MMD2: variants seen among roughly 807,000 people sequenced by gnomAD.
The protein encoded by MMD2 is monocyte to macrophage differentiation factor 2.
MMD2 carries 30 observed loss-of-function variants against 33.5 expected under a neutral mutation model. The ratio of observed to expected loss-of-function variants is 0.90; its 90% CI spans 0.67 to 1.22. MMD2 has a LOEUF of 1.22. Ranked by LOEUF, MMD2 falls within the 50% of genes most tolerant of loss-of-function variation. The pLI, the probability that MMD2 is intolerant of heterozygous loss-of-function variation, is 0.00. For synonymous variants in MMD2, 129 were observed against 123.0 expected (o/e 1.05, Z -0.32); for missense variants, 364 against 325.4 (o/e 1.12, Z -0.91).
At chr7:4,945,222 T>TTCTTCTTCTTCTTCTTCA in intron 1 of MMD2, among the ~76,000 whole-genome samples, 1 of 146,462 alleles carries the variant, frequency 6.8e-6, no homozygotes, top group East Asian at 2.0e-4. Flanking sequence ...CTTCTTCTTC[T>TTCTTCTTCTTCTTCTTCA]TCTTCTTCTT....
At chr7:4,892,481 G>A in the MMD2 span, among the ~76,000 whole-genome samples, 5 of 151,460 alleles carry the variant, frequency 3.3e-5, no homozygotes, top group South Asian at 2.1e-4. Context: ...CCAGCTACTC[G>A]GGAGGCTGAG....
chr7:4,945,985 G>A (rs1318444442), intron 1 of MMD2, among the ~76,000 whole-genome samples: 1 of 152,202 alleles, frequency 6.6e-6, no homozygotes, highest in Non-Finnish European at 1.5e-5. Flanking sequence ...CCAGAATTCA[G>A]CATTCATTCC....
chr7:4,920,114 T>A, intron 3 of MMD2, 57 bp downstream of exon 3: 1 of 1,527,632 alleles, frequency 6.5e-7, no homozygotes, highest in Non-Finnish European at 8.8e-7. Flanking sequence ...CGGGCTGCCA[T>A]GGGTCCCCCT....
chr7:4,893,094 T>G, the MMD2 span, among the ~76,000 whole-genome samples: 4 of 152,110 alleles, frequency 2.6e-5, no homozygotes, highest in Non-Finnish European at 4.4e-5. Flanking sequence ...GAGGAGTGGA[T>G]GTACCTCTAT....
At chr7:4,953,489 A>G (rs981642275) in intron 1 of MMD2, among the ~76,000 whole-genome samples, 36 of 145,572 alleles carry the variant, frequency 2.5e-4, no homozygotes, top group Non-Finnish European at 4.1e-4. Context: ...TTTTTTTTTT[A>G]AGATGGAGTC....
chr7:4,950,499 T>A (rs532723454), intron 1 of MMD2, among the ~76,000 whole-genome samples: 76 of 152,220 alleles, frequency 5.0e-4, no homozygotes, highest in Middle Eastern at 3.4e-3. Flanking sequence ...TAATTCTTCA[T>A]TCCCTACCCA....
In MMD2 at chr7:4,944,395, G is replaced by A. The variant is rs779308723; in HGVS notation, c.47+14576C>T. Among the ~76,000 whole-genome samples the A allele has an allele frequency of 1.1e-3, 163 of 152,270 alleles. 2 individuals are homozygous for A. Among genetic ancestry groups the A allele is most frequent in the Non-Finnish European group, 1.2e-3 (80 of 68,014 alleles). ...GTGGGTCTAGTTCCAGAGATGAGGG[G>A]AGCCAGGGGTGAGCCCACCCTCCTG... On this transcript the variant is annotated intron_variant, in intron 1 of 6. Transcript: ENST00000401401.
intron 3 of MMD2, among the ~76,000 whole-genome samples, chr7:4,916,855 G>T (rs1280440492): frequency 6.6e-6 from 1 of 152,072 alleles, no homozygotes; most frequent in African/African-American, 2.4e-5. Context: ...AGAATTGCTT[G>T]AGCTCAGGAG....
At chr7:4,913,886 C>A (rs1034803727) in intron 4 of MMD2, among the ~76,000 whole-genome samples, 7 of 152,064 alleles carry the variant, frequency 4.6e-5, no homozygotes, top group African/African-American at 1.7e-4. Flanking sequence ...TGGTCTCGAT[C>A]TCCTGACCTC....
intron 1 of MMD2, among the ~76,000 whole-genome samples, chr7:4,952,714 CAG>C (rs36106375): frequency 0.043 from 5,607 of 130,144 alleles, 186 homozygotes; most frequent in East Asian, 0.12. Flanking sequence ...TTTTTTGAGA[CAG>C]AGTCTTGCTC....
intron 1 of MMD2, among the ~76,000 whole-genome samples, chr7:4,941,212 C>T (rs552276963): frequency 7.7e-4 from 117 of 152,340 alleles, no homozygotes; most frequent in African/African-American, 2.5e-3. Flanking sequence ...TAGGGGCTCT[C>T]ACCCACCAAT....
At chr7:4,939,742 C>CTT (rs71032999) in intron 1 of MMD2, among the ~76,000 whole-genome samples, 15 of 141,888 alleles carry the variant, frequency 1.1e-4, no homozygotes, top group African/African-American at 3.7e-4. Flanking sequence ...TTCTTTCTTT[C>CTT]TTTTTTTTTT....
Position 4,920,080 on chromosome 7 carries a change from G to C in MMD2, c.290+91C>G, listed in dbSNP as rs181739784. The C allele has an allele frequency of 5.4e-4, 744 of 1,390,180 alleles. 5 individuals carry two copies. In the African/African-American group the frequency reaches 9.9e-3, roughly 18 times the overall value. The allele number at this position is 1,390,180 out of a possible 1,614,324, so 86.1% of individuals were successfully genotyped here. A position where few individuals can be genotyped will look rare whatever the true frequency, so the allele number is the denominator to read the frequency against. ...GCTCAGTGGAGAATGTCACCAGGCA[G>C]ACCGGATATCCTGGTTCACCCCCCG... On this transcript the variant is annotated intron_variant, in intron 3 of 6. Transcript: ENST00000401401.
In MMD2 at chr7:4,946,661, G is replaced by C. The variant is rs372900332; in HGVS notation, c.47+12310C>G. On this transcript the variant is annotated intron_variant, in intron 1 of 6. Transcript: ENST00000401401. The surrounding 1 kb of genome is among the most constrained non-coding windows in gnomAD (Gnocchi z 5.0). ...CCCTCATGGATCAACCTAGCACCACGGGTGGCAGGTCTACCAGATATCTCC... is the reference window on the plus strand; with the variant it reads ...CCCTCATGGATCAACCTAGCACCACCGGTGGCAGGTCTACCAGATATCTCC... Among the ~76,000 whole-genome samples, 1 of 152,098 alleles carries C rather than the reference G, an allele frequency of 6.6e-6. No individual in the cohort carries two copies. Among genetic ancestry groups the C allele is most frequent in the Admixed American group, 6.6e-5 (1 of 15,246 alleles).
the MMD2 span, among the ~76,000 whole-genome samples, chr7:4,896,137 C>T: frequency 6.6e-6 from 1 of 152,058 alleles, no homozygotes; most frequent in Non-Finnish European, 1.5e-5. Flanking sequence ...ATGGTAAAAC[C>T]TACATTTTTA....
the MMD2 span, among the ~76,000 whole-genome samples, chr7:4,892,480 C>T: frequency 6.6e-6 from 1 of 151,164 alleles, no homozygotes; most frequent in Non-Finnish European, 1.5e-5. Context: ...CCCAGCTACT[C>T]GGGAGGCTGA....
intron 1 of MMD2, among the ~76,000 whole-genome samples, chr7:4,952,102 C>T (rs1028402811): frequency 3.9e-5 from 6 of 152,190 alleles, no homozygotes; most frequent in South Asian, 2.1e-4. Context: ...AAGCCAGGGA[C>T]GCCCACCACA....
chr7:4,936,477 T>C (rs971510664), intron 1 of MMD2, among the ~76,000 whole-genome samples: 1 of 152,188 alleles, frequency 6.6e-6, no homozygotes, highest in Non-Finnish European at 1.5e-5. Flanking sequence ...GTCTTTCATT[T>C]GATTTGTGTT....
At chr7:4,943,353 G>A (rs1053422446) in intron 1 of MMD2, among the ~76,000 whole-genome samples, 8 of 151,918 alleles carry the variant, frequency 5.3e-5, no homozygotes, top group South Asian at 4.2e-4. Flanking sequence ...CCATGTTGAC[G>A]AGGATGATCT....
Sources: gnomAD v4.1 joint callset for allele counts (sites outside exome capture counted in the v4.1 genomes callset) on GRCh38, gnomAD v4.1.1 for gene constraint, Gnocchi (gnomAD v3.1) non-coding constraint, MANE v1.5 for transcripts, NCBI Gene and HGNC (gene_info 2026-07-23, HGNC 2026-07-21) for gene names.